The following CBX7 variants were observed in gnomAD, a reference collection of about 807,000 sequenced individuals.
The protein encoded by CBX7 is chromobox 7.
A neutral mutation model predicts 31.4 loss-of-function variants in CBX7; 14 were observed. The observed-to-expected ratio is 0.45, with a 90% CI of 0.29 to 0.70. The LOEUF (loss-of-function observed/expected upper bound fraction) is 0.70, where lower values mean the gene tolerates loss of function less well. Ranked by LOEUF, CBX7 falls within the 30% of genes least tolerant of loss-of-function variation. CBX7 has a pLI of 0.11. For synonymous variants in CBX7, 159 were observed against 152.6 expected, an observed-to-expected ratio of 1.04 and a Z score of -0.31; for missense variants, 269 against 351.9, an observed-to-expected ratio of 0.76 and a Z score of 1.89.
chr22:39,138,042 G>C (rs2084655735), intron 4 of CBX7, among the ~76,000 whole-genome samples: 1 of 152,090 alleles, frequency 6.6e-6, no homozygotes, highest in South Asian at 2.1e-4. Flanking sequence ...TTAGCCAGGC[G>C]TGGTGGCGGG....
intron 4 of CBX7, 134 bp downstream of exon 4, chr22:39,138,502 C>G (rs1201757280): frequency 2.4e-6 from 2 of 825,476 alleles, no homozygotes; most frequent in African/African-American, 1.7e-5. Context: ...AAGTGCCCCA[C>G]CCCACAGTGC....
At chr22:39,148,025 C>G (rs146000609) in intron 2 of CBX7, 217 of 152,424 alleles carry the variant, frequency 1.4e-3, no homozygotes, top group African/African-American at 5.1e-3. Context: ...GCTTCACCAT[C>G]TCAACTCGAA....
At chr22:39,150,710 C>T (rs557428549) in intron 1 of CBX7, among the ~76,000 whole-genome samples, 13 of 152,046 alleles carry the variant, frequency 8.6e-5, no homozygotes, top group Non-Finnish European at 1.8e-4. Context: ...GTTGAGGCTG[C>T]AGTGAGCCAT....
At position 39,152,467 on chromosome 22, in the gene CBX7, C is replaced by G; in HGVS notation, c.-23G>C. The stretch of plus-strand genomic sequence containing the variant: ...CATGCGGGGCGGCGGGCGAGCGGGC[C>G]CGGGGCCGGGCCGGGCCGGGGGCGG... On this transcript the variant is annotated 5_prime_UTR_variant, in exon 1 of 6. Transcript: ENST00000216133. The surrounding 1 kb of genome is among the most constrained non-coding windows in gnomAD (Gnocchi z 4.9). 1 of 1,097,198 alleles carries G rather than the reference C, an allele frequency of 9.1e-7. No homozygotes were observed. Among genetic ancestry groups the G allele is most frequent in the South Asian group, 4.0e-5 (1 of 24,762 alleles). 68.0% of individuals were successfully genotyped at this position (1,097,198 alleles called of 1,614,324 possible).
chr22:39,147,794 C>CA (rs1179224210), intron 2 of CBX7: 1 of 152,294 alleles, frequency 6.6e-6, no homozygotes, highest in African/African-American at 2.4e-5. Flanking sequence ...TCTGAAAAAT[C>CA]AGAGGACTGG....
At chr22:39,139,702 CAAAAAAAAAAAA>C (rs67244690) in intron 3 of CBX7, among the ~76,000 whole-genome samples, 3 of 32,074 alleles carry the variant, frequency 9.4e-5, no homozygotes, top group African/African-American at 3.4e-4. Context: ...GACTCCATCT[CAAAAAAAAAAAA>C]AAAAAAAGAA....
intron 2 of CBX7, among the ~76,000 whole-genome samples, chr22:39,146,103 G>C (rs778162879): frequency 8.8e-4 from 134 of 152,350 alleles, no homozygotes; most frequent in Non-Finnish European, 1.4e-3. Context: ...CCAGACTGCG[G>C]GGTGCGGCCT....
intron 3 of CBX7, among the ~76,000 whole-genome samples, chr22:39,140,681 G>A (rs1038253075): frequency 2.0e-5 from 3 of 152,206 alleles, no homozygotes; most frequent in Non-Finnish European, 4.4e-5. Context: ...GTCCCAAGCC[G>A]CACAAGGCAG....
intron 2 of CBX7, chr22:39,149,026 G>C (rs1004282522): frequency 4.0e-5 from 4 of 100,536 alleles, no homozygotes; most frequent in Non-Finnish European, 7.5e-5. Flanking sequence ...GAGGCCCCAC[G>C]ACTAGCTCAT....
intron 2 of CBX7, among the ~76,000 whole-genome samples, chr22:39,145,725 G>A (rs1394829554): frequency 2.7e-5 from 4 of 150,852 alleles, no homozygotes; most frequent in South Asian, 2.1e-4. Context: ...CCGAGGGGGC[G>A]GGGGCGGGGG....
In CBX7 at chr22:39,133,043, T is replaced by C. The variant is rs965957485; in HGVS notation, c.*848A>G. On this transcript the variant is annotated 3_prime_UTR_variant, in exon 6 of 6. Coordinates refer to ENST00000216133, the MANE Select transcript of CBX7 (RefSeq NM_175709.5). Reference sequence around the variant, plus strand: ...CCCTCCACTGAAAGCCGCAAGCAGGTAGCAAGGTGCATGCAAGGTGGGGTG... The same window carrying C: ...CCCTCCACTGAAAGCCGCAAGCAGGCAGCAAGGTGCATGCAAGGTGGGGTG... 3 of 152,162 alleles carry C rather than the reference T, an allele frequency of 2.0e-5. No homozygotes were observed. Among genetic ancestry groups the C allele is most frequent in the African/African-American group, 7.2e-5 (3 of 41,388 alleles). 9.4% of individuals were successfully genotyped at this position (152,162 alleles called of 1,614,324 possible).
At chr22:39,141,680 C>T (rs112460737) in intron 2 of CBX7, among the ~76,000 whole-genome samples, 10 of 151,428 alleles carry the variant, frequency 6.6e-5, no homozygotes, top group African/African-American at 2.4e-4. Context: ...ACCCAAGAGG[C>T]AGACGTTGCA....
chr22:39,138,139 C>G (rs529557579), intron 4 of CBX7, among the ~76,000 whole-genome samples: 228 of 149,444 alleles, frequency 1.5e-3, no homozygotes, highest in African/African-American at 5.3e-3. Context: ...CAAGATCGCG[C>G]GCCACTGCAC....
At chr22:39,142,527 C>G (rs1472262855) in intron 2 of CBX7, among the ~76,000 whole-genome samples, 1 of 152,262 alleles carries the variant, frequency 6.6e-6, no homozygotes, top group African/African-American at 2.4e-5. Context: ...CCTGCTGGGG[C>G]AGACCCTGTG....
chr22:39,143,630 C>T (rs1930538248), intron 2 of CBX7, among the ~76,000 whole-genome samples: 1 of 152,224 alleles, frequency 6.6e-6, no homozygotes, highest in Admixed American at 6.5e-5. Flanking sequence ...CAGTGAGTGA[C>T]ATGTGTCTGG....
rs1184264389 is a variant in CBX7 at position 39,134,481 on chromosome 22, A to T, written c.518T>A (p.Phe173Tyr). Residue 173 changes from phenylalanine to tyrosine, a missense_variant, in exon 5 of 6, where the codon TTC (phenylalanine) becomes TAC (tyrosine). Transcript: ENST00000216133. ...GTCTGGGGCCGGTGGCTCCTGCAGGAAGAGCTCCCGTCGATGGCTGTGGCT... is the reference window on the plus strand; with the variant it reads ...GTCTGGGGCCGGTGGCTCCTGCAGGTAGAGCTCCCGTCGATGGCTGTGGCT... The part of the protein sequence containing the change: ...LESHSHRREL[F>Y]LQEPPAPDVL... 6.2e-7 allele frequency: 1 copy of T among 1,610,342 alleles called. No individual in the cohort carries two copies. Among genetic ancestry groups the T allele is most frequent in the Non-Finnish European group, 8.5e-7 (1 of 1,179,826 alleles).
rs780159343 is a variant in CBX7, at chr22:39,134,597, G to A, written c.402C>T (p.Thr134=). 1.3e-6 allele frequency: 2 copies of A among 1,592,520 alleles called. No homozygotes were observed. The highest frequency in any genetic ancestry group is 2.3e-5 in the East Asian group (1 of 43,870). ...ELVDKGPLVP[T]LPFPLRKPRK... ...GGGGCTTGCGGAGCGGGAAGGGCAG[G>A]GTGGGCACCAAGGGGCCCTTGTCCA... is the stretch of plus-strand genomic sequence containing the variant. Residue 134 remains threonine, a synonymous_variant, in exon 5 of 6, where the codon ACC becomes ACT. Coordinates refer to ENST00000216133, the MANE Select transcript of CBX7 (RefSeq NM_175709.5).
chr22:39,135,825 C>T (rs2146352615), intron 4 of CBX7: 1 of 152,476 alleles, frequency 6.6e-6, no homozygotes, highest in South Asian at 2.1e-4. Flanking sequence ...CACAGTGGCT[C>T]ACGCCTGTAA....
At chr22:39,137,335 T>A (rs920297852) in intron 4 of CBX7, among the ~76,000 whole-genome samples, 1 of 110,228 alleles carries the variant, frequency 9.1e-6, no homozygotes, top group Non-Finnish European at 1.8e-5. Context: ...GATCTTGTTT[T>A]TCTTGTTGGG....
Sources: allele counts gnomAD v4.1 joint callset (sites outside exome capture counted in the v4.1 genomes callset), GRCh38; gene constraint gnomAD v4.1.1; non-coding constraint Gnocchi (gnomAD v3.1); transcripts MANE v1.5; gene names NCBI Gene and HGNC (gene_info 2026-07-23, HGNC 2026-07-21).